SPOCK3: variants seen among roughly 807,000 people sequenced by gnomAD.
SPOCK3 encodes testican-3.
A neutral mutation model predicts 56.6 loss-of-function variants in SPOCK3; 30 were observed. That is an observed-to-expected ratio of 0.53 (90% CI 0.40 to 0.72). The LOEUF is 0.72. Ranked by LOEUF, SPOCK3 falls within the 30% of genes least tolerant of loss-of-function variation. The probability of loss-of-function intolerance (pLI) is 0.00; values close to 1 mark genes in which losing one functional copy is unlikely to be tolerated. For synonymous variants in SPOCK3, 196 were observed against 183.3 expected, an observed-to-expected ratio of 1.07 and a Z score of -0.56; for missense variants, 527 against 530.0, an observed-to-expected ratio of 0.99 and a Z score of 0.06.
intron 2 of SPOCK3, among the ~76,000 whole-genome samples, chr4:167,123,833 C>T (rs1037002831): frequency 7.9e-5 from 12 of 151,396 alleles, no homozygotes; most frequent in Non-Finnish European, 1.2e-4. Context: ...AACCTCCCAC[C>T]CTCCCAGGTT....
chr4:167,055,792 A>G (rs942439877), intron 3 of SPOCK3, among the ~76,000 whole-genome samples: 1 of 152,186 alleles, frequency 6.6e-6, no homozygotes, highest in African/African-American at 2.4e-5. Flanking sequence ...TAAACAAAGC[A>G]GCCAGGAAGC....
At chr4:166,856,838 A>G (rs1037248045) in intron 6 of SPOCK3, among the ~76,000 whole-genome samples, 1 of 151,968 alleles carries the variant, frequency 6.6e-6, no homozygotes, top group African/African-American at 2.4e-5. Flanking sequence ...ATATCTCTCT[A>G]TATATAGATA....
At chr4:166,888,781 C>T (rs1734461446) in intron 6 of SPOCK3, among the ~76,000 whole-genome samples, 1 of 151,836 alleles carries the variant, frequency 6.6e-6, no homozygotes, top group Admixed American at 6.6e-5. Flanking sequence ...TAATTACTTA[C>T]TACTTTATCA....
intron 4 of SPOCK3, among the ~76,000 whole-genome samples, chr4:166,966,181 AG>A (rs1290735026): frequency 6.6e-6 from 1 of 150,970 alleles, no homozygotes; most frequent in Non-Finnish European, 1.5e-5. Flanking sequence ...ATTTCTTTTT[AG>A]AGCTAATGAG....
At chr4:167,205,305 T>TAAC (rs1393697414) in intron 2 of SPOCK3, among the ~76,000 whole-genome samples, 1 of 43,892 alleles carries the variant, frequency 2.3e-5, no homozygotes, top group African/African-American at 8.2e-5. Context: ...CTATAATATA[T>TAAC]ATTATATATT....
At chr4:167,204,024 C>T (rs2110949293) in intron 2 of SPOCK3, among the ~76,000 whole-genome samples, 1 of 152,154 alleles carries the variant, frequency 6.6e-6, no homozygotes. Context: ...TAGATGTACA[C>T]ACAGCTATAA....
intron 7 of SPOCK3, among the ~76,000 whole-genome samples, chr4:166,762,281 A>G (rs541589973): frequency 6.6e-6 from 1 of 152,108 alleles, no homozygotes; most frequent in Non-Finnish European, 1.5e-5. Flanking sequence ...TTTTTAAAAT[A>G]GTATATTTTG....
intron 6 of SPOCK3, among the ~76,000 whole-genome samples, chr4:166,864,963 T>C (rs1000608376): frequency 1.3e-5 from 2 of 152,000 alleles, no homozygotes; most frequent in African/African-American, 4.8e-5. Flanking sequence ...TACCAAAACC[T>C]GGCAGACACA....
At chr4:167,010,866 A>G (rs1257589085) in intron 3 of SPOCK3, among the ~76,000 whole-genome samples, 2 of 152,152 alleles carry the variant, frequency 1.3e-5, no homozygotes, top group Admixed American at 6.6e-5. Context: ...ATAGTGAGGA[A>G]GTCGAATGTC....
chr4:167,177,510 G>A (rs980814379), intron 2 of SPOCK3, among the ~76,000 whole-genome samples: 1 of 152,044 alleles, frequency 6.6e-6, no homozygotes, highest in Non-Finnish European at 1.5e-5. Flanking sequence ...ACCTCAGAGA[G>A]TGATTGGAAG....
chr4:167,205,226 A>T (rs1733953389), intron 2 of SPOCK3, among the ~76,000 whole-genome samples: 1 of 95,874 alleles, frequency 1.0e-5, no homozygotes, highest in African/African-American at 4.3e-5. Context: ...TATATATTTT[A>T]TATCTATAAT....
intron 6 of SPOCK3, among the ~76,000 whole-genome samples, chr4:166,838,161 C>G (rs540002651): frequency 6.6e-6 from 1 of 152,070 alleles, no homozygotes; most frequent in South Asian, 2.1e-4. Context: ...ATTTCTTTAG[C>G]TTTATCTTGT....
chr4:167,208,460 T>C (rs79324483), intron 2 of SPOCK3, among the ~76,000 whole-genome samples: 3,992 of 152,220 alleles, frequency 0.026, 166 homozygotes, highest in African/African-American at 0.091. Flanking sequence ...CTTTGTAATT[T>C]AGGAAATCAG....
intron 6 of SPOCK3, among the ~76,000 whole-genome samples, chr4:166,879,094 C>A (rs987226471): frequency 6.6e-6 from 1 of 151,940 alleles, no homozygotes; most frequent in Non-Finnish European, 1.5e-5. Flanking sequence ...GTAAAATCAG[C>A]CTGTTAATTA....
intron 3 of SPOCK3, among the ~76,000 whole-genome samples, chr4:167,019,955 G>A (rs1580013676): frequency 6.6e-6 from 1 of 152,222 alleles, no homozygotes; most frequent in South Asian, 2.1e-4. Context: ...TACTGAAGAG[G>A]GAAAAGCTGC....
intron 4 of SPOCK3, among the ~76,000 whole-genome samples, chr4:166,946,760 C>G (rs1247054870): frequency 1.3e-5 from 2 of 152,148 alleles, no homozygotes; most frequent in African/African-American, 4.8e-5. Flanking sequence ...TAGTTTTTCT[C>G]TTTACACTAT....
At chr4:167,078,771 G>A (rs1263487949) in intron 2 of SPOCK3, among the ~76,000 whole-genome samples, 1 of 151,646 alleles carries the variant, frequency 6.6e-6, no homozygotes, top group Non-Finnish European at 1.5e-5. Flanking sequence ...CCAAGTGCAA[G>A]TAGCAATCTG....
chr4:167,210,463 G>C (rs969080116), intron 2 of SPOCK3, among the ~76,000 whole-genome samples: 2 of 152,040 alleles, frequency 1.3e-5, no homozygotes, highest in African/African-American at 4.8e-5. Flanking sequence ...GTACGTCTTG[G>C]GTAGTGGGCT....
intron 2 of SPOCK3, among the ~76,000 whole-genome samples, chr4:167,210,751 A>AT (rs1734790618): frequency 6.6e-6 from 1 of 152,156 alleles, no homozygotes; most frequent in Non-Finnish European, 1.5e-5. Flanking sequence ...TATCATTCTC[A>AT]TTTTTAAAGG....
Sources: allele counts gnomAD v4.1 joint callset (sites outside exome capture counted in the v4.1 genomes callset), GRCh38; gene constraint gnomAD v4.1.1; transcripts MANE v1.5; gene names NCBI Gene and HGNC (gene_info 2026-07-23, HGNC 2026-07-21).